Variants in FBXL7 observed in about 807,000 individuals in gnomAD.
FBXL7 encodes F-box/LRR-repeat protein 7.
A neutral mutation model predicts 38.3 loss-of-function variants in FBXL7; 12 were observed. That is an observed-to-expected ratio of 0.31 (90% CI 0.20 to 0.51). The LOEUF (loss-of-function observed/expected upper bound fraction) is 0.51. Ranked by LOEUF, FBXL7 falls within the 20% of genes least tolerant of loss-of-function variation. The pLI is 0.98. For missense variants in FBXL7, 567 were observed against 676.4 expected, an observed-to-expected ratio of 0.84 and a Z score of 1.79; for synonymous variants, 297 against 300.9, an observed-to-expected ratio of 0.99 and a Z score of 0.13.
intron 2 of FBXL7, among the ~76,000 whole-genome samples, chr5:15,648,191 A>T (rs1741595033): frequency 6.6e-6 from 1 of 152,212 alleles, no homozygotes; most frequent in South Asian, 2.1e-4. Flanking sequence ...TGTTTCCACT[A>T]ATATTGAACT....
At chr5:15,526,612 G>A (rs979800468) in intron 1 of FBXL7, among the ~76,000 whole-genome samples, 11 of 152,168 alleles carry the variant, frequency 7.2e-5, no homozygotes, top group African/African-American at 2.7e-4. Context: ...AACATGGCAA[G>A]TGCTTGCTGT....
intron 2 of FBXL7, among the ~76,000 whole-genome samples, chr5:15,687,465 T>C (rs1376057218): frequency 6.6e-6 from 1 of 152,230 alleles, no homozygotes; most frequent in Non-Finnish European, 1.5e-5. Context: ...ATGCACTCAC[T>C]GTTCCCAATG....
At chr5:15,680,670 A>T (rs1367270607) in intron 2 of FBXL7, among the ~76,000 whole-genome samples, 3 of 152,220 alleles carry the variant, frequency 2.0e-5, no homozygotes, top group Non-Finnish European at 4.4e-5. Flanking sequence ...CAGTTACGTC[A>T]TGAGTGTGAG....
chr5:15,939,165 A>G lies in FBXL7; in HGVS notation c.*1979A>G. ...CCCATCCAATCAACATCATCAAATT[A>G]CATGTGTAATCAAGGCTCTGTGCCA... On this transcript the variant is annotated 3_prime_UTR_variant, in exon 4 of 4. Coordinates refer to ENST00000504595, the MANE Select transcript of FBXL7 (RefSeq NM_012304.5). The G allele has an allele frequency of 2.5e-6, 1 of 398,240 alleles. No homozygotes were observed. The highest frequency in any genetic ancestry group is 4.4e-6 in the Non-Finnish European group (1 of 225,726). The allele number at this position is 398,240 out of a possible 1,614,324, so 24.7% of individuals were successfully genotyped here.
chr5:15,938,789 T>C lies in FBXL7; in HGVS notation c.*1603T>C, dbSNP rs956939927. 3.1e-5 allele frequency: 12 copies of C among 392,730 alleles called. No homozygotes were observed. Among genetic ancestry groups the C allele is most frequent in the South Asian group, 2.9e-4 (2 of 6,966 alleles). 24.3% of individuals were successfully genotyped at this position (392,730 alleles called of 1,614,324 possible). ...TTGGATAGAAGTCTATATTCTAGCC[T>C]CATTTGCATGAAGTCAGATAGCCAG... On this transcript the variant is annotated 3_prime_UTR_variant, in exon 4 of 4. Coordinates refer to ENST00000504595, the MANE Select transcript of FBXL7 (RefSeq NM_012304.5).
chr5:15,597,212 G>T (rs911176380), intron 1 of FBXL7, among the ~76,000 whole-genome samples: 1 of 152,122 alleles, frequency 6.6e-6, no homozygotes, highest in South Asian at 2.1e-4. Flanking sequence ...TTGCTTGCTT[G>T]TTGGTGGGGA....
intron 2 of FBXL7, among the ~76,000 whole-genome samples, chr5:15,878,798 T>C (rs74444831): frequency 6.6e-6 from 1 of 152,318 alleles, no homozygotes; most frequent in East Asian, 1.9e-4. Flanking sequence ...ACTTAGGGTC[T>C]TCATATATTC....
At chr5:15,656,488 G>A (rs190126310) in intron 2 of FBXL7, among the ~76,000 whole-genome samples, 59 of 152,188 alleles carry the variant, frequency 3.9e-4, no homozygotes, top group African/African-American at 1.3e-3. Flanking sequence ...ATGCAAAAAC[G>A]GAAATGATAA....
chr5:15,654,455 A>G (rs1002475820), intron 2 of FBXL7, among the ~76,000 whole-genome samples: 3 of 151,580 alleles, frequency 2.0e-5, no homozygotes, highest in Non-Finnish European at 4.4e-5. Flanking sequence ...TTTTCTAACA[A>G]TCTACTTACC....
chr5:15,621,153 T>G (rs1285756763), intron 2 of FBXL7, among the ~76,000 whole-genome samples: 6 of 152,198 alleles, frequency 3.9e-5, no homozygotes, highest in African/African-American at 1.2e-4. Context: ...ATCTTAATTT[T>G]GAGACTAAAG....
intron 2 of FBXL7, among the ~76,000 whole-genome samples, chr5:15,899,869 T>A (rs1020980313): frequency 2.6e-5 from 4 of 152,218 alleles, no homozygotes; most frequent in African/African-American, 9.6e-5. Flanking sequence ...AACTCATCTT[T>A]AATGCTTTTT....
At chr5:15,573,130 C>T (rs939399831) in intron 1 of FBXL7, among the ~76,000 whole-genome samples, 1 of 152,250 alleles carries the variant, frequency 6.6e-6, no homozygotes, top group South Asian at 2.1e-4. Context: ...TTGTTTACTG[C>T]AGGTGTTTGT....
chr5:15,834,225 C>T (rs760660598), intron 2 of FBXL7, among the ~76,000 whole-genome samples: 4 of 152,124 alleles, frequency 2.6e-5, no homozygotes, highest in Admixed American at 1.3e-4. Flanking sequence ...AAGGGCTGTA[C>T]GCTTATCTAG....
intron 2 of FBXL7, among the ~76,000 whole-genome samples, chr5:15,747,025 A>G (rs1736033277): frequency 6.6e-6 from 1 of 152,128 alleles, no homozygotes; most frequent in Admixed American, 6.5e-5. Flanking sequence ...GTGCTTGTTC[A>G]TGGATCATGC....
chr5:15,574,776 C>T (rs1308223661), intron 1 of FBXL7, among the ~76,000 whole-genome samples: 1 of 152,064 alleles, frequency 6.6e-6, no homozygotes, highest in Non-Finnish European at 1.5e-5. Flanking sequence ...AACCTTAGGT[C>T]ATTTGCTTTA....
intron 2 of FBXL7, among the ~76,000 whole-genome samples, chr5:15,627,703 A>G (rs987332177): frequency 1.4e-4 from 21 of 152,186 alleles, no homozygotes; most frequent in African/African-American, 4.6e-4. Flanking sequence ...CAACTCTTCT[A>G]TAGTGAAGAG....
intron 2 of FBXL7, among the ~76,000 whole-genome samples, chr5:15,693,716 A>G (rs1048350865): frequency 2.0e-5 from 3 of 152,210 alleles, no homozygotes; most frequent in Admixed American, 6.5e-5. Context: ...ACACACCGAC[A>G]GATGCTGGAA....
At chr5:15,631,814 A>T (rs1741008430) in intron 2 of FBXL7, among the ~76,000 whole-genome samples, 1 of 152,104 alleles carries the variant, frequency 6.6e-6, no homozygotes, top group Admixed American at 6.6e-5. Context: ...AGGGGAGAGA[A>T]AACTTTATAA....
intron 1 of FBXL7, among the ~76,000 whole-genome samples, chr5:15,606,290 T>TACAC (rs1313540391): frequency 1.4e-4 from 21 of 151,674 alleles, no homozygotes; most frequent in African/African-American, 5.1e-4. Context: ...CATGCGCACG[T>TACAC]GCACACACAC....
Sources: gnomAD v4.1 joint callset for allele counts (sites outside exome capture counted in the v4.1 genomes callset) on GRCh38, gnomAD v4.1.1 for gene constraint, MANE v1.5 for transcripts, NCBI Gene and HGNC (gene_info 2026-07-23, HGNC 2026-07-21) for gene names.